KCTD1: variants seen among roughly 807,000 people sequenced by gnomAD.
KCTD1 encodes potassium channel tetramerization domain containing 1.
KCTD1 carries 24 observed loss-of-function variants against 66.0 expected under a neutral mutation model. That is an observed-to-expected ratio of 0.36 (90% CI 0.26 to 0.51). The LOEUF (loss-of-function observed/expected upper bound fraction) is 0.51, where lower values mean the gene tolerates loss of function less well. Ranked by LOEUF, KCTD1 falls within the 20% of genes least tolerant of loss-of-function variation. The pLI, the probability that KCTD1 is intolerant of heterozygous loss-of-function variation, is 0.95. For synonymous variants in KCTD1, 511 were observed against 517.2 expected, an observed-to-expected ratio of 0.99 and a Z score of 0.16; for missense variants, 943 against 1,205.2, an observed-to-expected ratio of 0.78 and a Z score of 3.22.
intron 2 of KCTD1, among the ~76,000 whole-genome samples, chr18:26,488,575 T>G (rs896552468): frequency 5.9e-5 from 9 of 152,164 alleles, no homozygotes; most frequent in African/African-American, 2.2e-4. Context: ...TCAGCTCCGA[T>G]CACAGAAACA....
intron 1 of KCTD1, among the ~76,000 whole-genome samples, chr18:26,541,167 C>A (rs970095845): frequency 1.3e-4 from 20 of 152,190 alleles, no homozygotes; most frequent in African/African-American, 4.8e-4. Flanking sequence ...GCACCATCTT[C>A]CTGCTGCCCT....
upstream of KCTD1, chr18:26,549,945 G>T (rs915516732): frequency 6.3e-6 from 2 of 319,208 alleles, no homozygotes; most frequent in Non-Finnish European, 9.0e-6. Flanking sequence ...TCCCGGCCCA[G>T]GGGCAGCTTC....
Position 26,459,759 on chromosome 18 carries a change from C to G in KCTD1, c.2300G>C (p.Gly767Ala). Residue 767 changes from glycine (G) to alanine (A), a missense_variant, in exon 4 of 5, where the codon GGT becomes GCT. Transcript: ENST00000580059. ...PDLGERITLS[G>A]DKSLIEEVFP... ...TACTTCTTCTATCAAGGATTTGTCACCGCTTAGCGTGATCCTTTCTCCGAG... is the reference window on the plus strand; with the variant it reads ...TACTTCTTCTATCAAGGATTTGTCAGCGCTTAGCGTGATCCTTTCTCCGAG... 6.2e-7 allele frequency: 1 copy of G among 1,614,180 alleles called. No homozygotes were observed. Among genetic ancestry groups the G allele is most frequent in the African/African-American group, 1.3e-5 (1 of 75,042 alleles).
chr18:26,579,688 A>C lies in KCTD1; in HGVS notation c.-16+49459T>G, dbSNP rs145082968. ...CATCAAATTTTCATATTTTTATTTCATGTTAGCATGCAGAAATATTTAATA... is the reference window on the plus strand; with the variant it reads ...CATCAAATTTTCATATTTTTATTTCCTGTTAGCATGCAGAAATATTTAATA... On this transcript the variant is annotated intron_variant, in intron 1 of 4. Coordinates refer to the KCTD1 transcript ENST00000317932. Among the ~76,000 whole-genome samples the C allele has an allele frequency of 5.9e-5, 9 of 152,332 alleles. No homozygotes were observed. The East Asian group carries it at 1.7e-3, about 29-fold the overall frequency.
At chr18:26,532,315 G>A (rs562332262) in intron 1 of KCTD1, among the ~76,000 whole-genome samples, 1 of 142,162 alleles carries the variant, frequency 7.0e-6, no homozygotes, top group Non-Finnish European at 1.5e-5. Flanking sequence ...TGTTGCCCAG[G>A]CTGGAATGCA....
intron 1 of KCTD1, among the ~76,000 whole-genome samples, chr18:26,593,854 A>G (rs1986702201): frequency 6.9e-6 from 1 of 145,128 alleles, no homozygotes; most frequent in Non-Finnish European, 1.5e-5. Flanking sequence ...GACAAGGAGG[A>G]AGAGGAGAAC....
chr18:26,583,854 G>C (rs1168140112), intron 1 of KCTD1, among the ~76,000 whole-genome samples: 1 of 152,218 alleles, frequency 6.6e-6, no homozygotes, highest in Non-Finnish European at 1.5e-5. Context: ...GGACGCTGGA[G>C]GAAGATTATG....
At chr18:26,479,545 G>C (rs1290713477) in intron 2 of KCTD1, among the ~76,000 whole-genome samples, 1 of 152,258 alleles carries the variant, frequency 6.6e-6, no homozygotes, top group Non-Finnish European at 1.5e-5. Context: ...CAAGGGGTGT[G>C]GAGAGAAAGA....
chr18:26,657,329 A>G (rs1342668547), intron 1 of KCTD1: 18 of 985,220 alleles, frequency 1.8e-5, no homozygotes, highest in Non-Finnish European at 2.0e-5. Context: ...TCCTTAGCAA[A>G]TAATAACAAA....
At chr18:26,532,615 C>T (rs1433311908) in intron 1 of KCTD1, among the ~76,000 whole-genome samples, 1 of 152,190 alleles carries the variant, frequency 6.6e-6, no homozygotes, top group East Asian at 1.9e-4. Flanking sequence ...CTCTGGGCCG[C>T]CATCTCCTCA....
At chr18:26,610,099 G>A (rs1013774395) in intron 1 of KCTD1, among the ~76,000 whole-genome samples, 6 of 152,216 alleles carry the variant, frequency 3.9e-5, no homozygotes, top group Non-Finnish European at 7.3e-5. Flanking sequence ...AATCTAAGAT[G>A]TGGGTACATC....
At chr18:26,463,352 G>T (rs1469225244) in intron 3 of KCTD1, among the ~76,000 whole-genome samples, 1 of 151,852 alleles carries the variant, frequency 6.6e-6, no homozygotes, top group African/African-American at 2.4e-5. Flanking sequence ...GCTAAGTTGA[G>T]GCTGCAGTGA....
chr18:26,630,662 G>A (rs1987599069), upstream of KCTD1, among the ~76,000 whole-genome samples: 1 of 152,186 alleles, frequency 6.6e-6, no homozygotes, highest in Admixed American at 6.5e-5. Context: ...CTGTGTTGCT[G>A]ACTGGAAAGT....
At chr18:26,570,524 T>C (rs991561211) in intron 1 of KCTD1, among the ~76,000 whole-genome samples, 1 of 152,146 alleles carries the variant, frequency 6.6e-6, no homozygotes, top group Admixed American at 6.5e-5. Flanking sequence ...TATTCCTGCC[T>C]CAGCCTCCCA....
chr18:26,642,893 C>T (rs902067168), upstream of KCTD1, among the ~76,000 whole-genome samples: 7 of 148,602 alleles, frequency 4.7e-5, no homozygotes, highest in African/African-American at 9.9e-5. Flanking sequence ...GGTGGGAGGG[C>T]GGAAGGTGTG....
intron 1 of KCTD1, among the ~76,000 whole-genome samples, chr18:26,587,479 C>T (rs1444402948): frequency 6.6e-6 from 1 of 152,168 alleles, no homozygotes; most frequent in African/African-American, 2.4e-5. Flanking sequence ...GCCCATAAAT[C>T]AGTAGTAATT....
chr18:26,565,403 A>C (rs972917203), intron 1 of KCTD1, among the ~76,000 whole-genome samples: 1 of 152,246 alleles, frequency 6.6e-6, no homozygotes, highest in African/African-American at 2.4e-5. Context: ...TTTTTAAAAC[A>C]GGATTTAAAT....
intron 1 of KCTD1, among the ~76,000 whole-genome samples, chr18:26,654,506 A>G (rs187951009): frequency 3.9e-5 from 6 of 152,324 alleles, no homozygotes; most frequent in African/African-American, 1.4e-4. Flanking sequence ...GCCCTGGCAA[A>G]GAATTACAAA....
chr18:26,554,357 A>G (rs1985654251), intron 1 of KCTD1, among the ~76,000 whole-genome samples: 1 of 150,668 alleles, frequency 6.6e-6, no homozygotes, highest in Admixed American at 6.6e-5. Context: ...AAGGCAGAAT[A>G]GTACTTTGCC....
Sources: gnomAD v4.1 joint callset for allele counts (sites outside exome capture counted in the v4.1 genomes callset) on GRCh38, gnomAD v4.1.1 for gene constraint, MANE v1.5 for transcripts, NCBI Gene and HGNC (gene_info 2026-07-23, HGNC 2026-07-21) for gene names.